The following PASD1 variants were observed in gnomAD, a reference collection of about 807,000 sequenced individuals.
PASD1 encodes circadian clock protein PASD1.
A neutral mutation model predicts 58.8 loss-of-function variants in PASD1; 13 were observed. That is an observed-to-expected ratio of 0.22 (90% CI 0.14 to 0.35). The LOEUF (loss-of-function observed/expected upper bound fraction) is 0.35, where lower values mean the gene tolerates loss of function less well. Ranked by LOEUF, PASD1 falls within the 10% of genes least tolerant of loss-of-function variation. The pLI, the probability that PASD1 is intolerant of heterozygous loss-of-function variation, is 1.00. For synonymous variants in PASD1, 236 were observed against 216.7 expected (o/e 1.09, Z -0.78); for missense variants, 734 against 568.3 (o/e 1.29, Z -2.96).
intron 7 of PASD1, among the ~76,000 whole-genome samples, chrX:151,623,569 A>G (rs2013745533): frequency 8.9e-6 from 1 of 111,997 alleles, no homozygotes; most frequent in Non-Finnish European, 1.9e-5. Context: ...TCCATTCAGT[A>G]ACATATATAG....
intron 8 of PASD1, among the ~76,000 whole-genome samples, chrX:151,636,673 G>A (rs1183410827): frequency 1.2e-4 from 13 of 111,666 alleles, no homozygotes; most frequent in African/African-American, 4.2e-4. Context: ...CAAAGTGCTA[G>A]GATTACAGGC....
At chrX:151,675,252 C>T (rs868217867) in intron 15 of PASD1, among the ~76,000 whole-genome samples, 6 of 111,628 alleles carry the variant, frequency 5.4e-5, no homozygotes, top group African/African-American at 1.6e-4. Context: ...TCCACAAAAC[C>T]TCAGGGGCTC....
At chrX:151,614,205 G>A (rs1159750519) in intron 4 of PASD1, among the ~76,000 whole-genome samples, 6 of 110,740 alleles carry the variant, frequency 5.4e-5, no homozygotes, top group African/African-American at 1.3e-4. Context: ...AGCTGGTCTC[G>A]AACTCCTGAC....
chrX:151,618,998 C>T (rs766749638), intron 4 of PASD1, among the ~76,000 whole-genome samples: 41 of 111,482 alleles, frequency 3.7e-4, no homozygotes, highest in Non-Finnish European at 6.6e-4. Flanking sequence ...CATGATGTGG[C>T]TCATGTTTGG....
At chrX:151,582,599 G>A (rs1301267295) in intron 1 of PASD1, among the ~76,000 whole-genome samples, 1 of 111,461 alleles carries the variant, frequency 9.0e-6, no homozygotes, top group Non-Finnish European at 1.9e-5. Flanking sequence ...AATACTGGAG[G>A]GGGAAGTGAT....
intron 11 of PASD1, among the ~76,000 whole-genome samples, chrX:151,668,721 T>C (rs1164484906): frequency 9.1e-6 from 1 of 109,642 alleles, no homozygotes; most frequent in Non-Finnish European, 1.9e-5. Context: ...AATTAATAGC[T>C]TACCAACCAA....
At chrX:151,656,966 C>G (rs947759211) in intron 9 of PASD1, among the ~76,000 whole-genome samples, 2 of 111,697 alleles carry the variant, frequency 1.8e-5, no homozygotes, top group Non-Finnish European at 3.8e-5. Context: ...CCGGTTTTTG[C>G]CCATTCAGTA....
At chrX:151,614,146 G>C (rs1000883183) in intron 4 of PASD1, among the ~76,000 whole-genome samples, 2 of 110,405 alleles carry the variant, frequency 1.8e-5, no homozygotes, top group Non-Finnish European at 3.8e-5. Context: ...CACCACGCCT[G>C]GCTAATTTTT....
intron 3 of PASD1, among the ~76,000 whole-genome samples, chrX:151,607,701 A>T (rs755306288): frequency 2.9e-4 from 32 of 112,017 alleles, no homozygotes; most frequent in Non-Finnish European, 5.1e-4. Flanking sequence ...CACACCCAGG[A>T]TGTTAGCAAT....
At chrX:151,672,078 T>A in intron 13 of PASD1, 105 bp from the exon 14 acceptor site, 1 of 1,075,376 alleles carries the variant, frequency 9.3e-7, no homozygotes, top group Non-Finnish European at 1.2e-6. Context: ...GAGGCTCAAC[T>A]GTTGTCACCT....
intron 1 of PASD1, among the ~76,000 whole-genome samples, chrX:151,598,238 A>C (rs2013347337): frequency 9.0e-6 from 1 of 111,590 alleles, no homozygotes; most frequent in Admixed American, 9.5e-5. Flanking sequence ...GAATGTTCAA[A>C]TCGATCAGGT....
At chrX:151,644,860 T>C (rs1385294429) in intron 8 of PASD1, among the ~76,000 whole-genome samples, 10 of 111,360 alleles carry the variant, frequency 9.0e-5, no homozygotes, top group Non-Finnish European at 1.7e-4. Flanking sequence ...TCACCTTCCA[T>C]GGCTTGCCTA....
At chrX:151,674,238 G>A in intron 15 of PASD1, 52 bp downstream of exon 15, 1 of 1,191,240 alleles carries the variant, frequency 8.4e-7, no homozygotes, top group Non-Finnish European at 1.1e-6. Context: ...GAGGGATTCT[G>A]GGCCCCTTCC....
At chrX:151,565,498 T>C (rs2012824002) in intron 1 of PASD1, among the ~76,000 whole-genome samples, 1 of 110,756 alleles carries the variant, frequency 9.0e-6, no homozygotes, top group Non-Finnish European at 1.9e-5. Flanking sequence ...TGTTCCTCCT[T>C]TTCTTTTCCC....
At chrX:151,577,647 C>T (rs2013027171) in intron 1 of PASD1, among the ~76,000 whole-genome samples, 1 of 111,686 alleles carries the variant, frequency 9.0e-6, no homozygotes, top group African/African-American at 3.3e-5. Context: ...GCCTCAGCCT[C>T]CCGAGTAGCT....
intron 11 of PASD1, among the ~76,000 whole-genome samples, chrX:151,670,739 C>T (rs1168728713): frequency 1.8e-5 from 2 of 112,128 alleles, no homozygotes; most frequent in African/African-American, 6.5e-5. Context: ...TACTTTGGCA[C>T]TGGCCCATGA....
intron 8 of PASD1, among the ~76,000 whole-genome samples, chrX:151,643,625 T>C (rs1327462991): frequency 9.0e-6 from 1 of 111,306 alleles, no homozygotes; most frequent in Non-Finnish European, 1.9e-5. Context: ...TTAGGGCATA[T>C]TGGACGTGTG....
intron 1 of PASD1, among the ~76,000 whole-genome samples, chrX:151,591,279 G>A (rs1424635590): frequency 8.9e-6 from 1 of 111,880 alleles, no homozygotes; most frequent in African/African-American, 3.2e-5. Flanking sequence ...TATTCAGTGT[G>A]TCTTCTTGTA....
At position 151,672,299 on chromosome X, in the gene PASD1, G is replaced by T. The variant is rs767154049; in HGVS notation, c.1554G>T (p.Lys518Asn). The change falls in exon 14 of 16, where the codon AAG (lysine) becomes AAT (asparagine). Residue 518 changes from lysine to asparagine, a missense_variant. Coordinates refer to ENST00000370357, the MANE Select transcript of PASD1 (RefSeq NM_173493.3). ...AGAAGCAGAAGAAGATGCAGGAGAAGAAGAAGCTGCAGGAGCAGAAAATGC... is the reference window on the plus strand; with the variant it reads ...AGAAGCAGAAGAAGATGCAGGAGAATAAGAAGCTGCAGGAGCAGAAAATGC... The part of the protein sequence containing the change: ...KVQKQKKMQE[K>N]KKLQEQKMQE... 1 of 1,167,741 alleles carries T rather than the reference G, an allele frequency of 8.6e-7. No individual in the cohort carries two copies. Among genetic ancestry groups the T allele is most frequent in the Non-Finnish European group, 1.1e-6 (1 of 873,777 alleles).
Sources: allele counts gnomAD v4.1 joint callset (sites outside exome capture counted in the v4.1 genomes callset), GRCh38; gene constraint gnomAD v4.1.1; transcripts MANE v1.5; gene names NCBI Gene and HGNC (gene_info 2026-07-23, HGNC 2026-07-21).